The following CDC73 variants were observed in gnomAD, a reference collection of about 807,000 sequenced individuals.
CDC73 encodes cell division cycle 73.
In CDC73, 21 loss-of-function variants were observed where a neutral mutation model predicts 83.7. That is an observed-to-expected ratio of 0.25 (90% confidence interval 0.18 to 0.36). The LOEUF (loss-of-function observed/expected upper bound fraction) is 0.36. Ranked by LOEUF, CDC73 falls within the 10% of genes least tolerant of loss-of-function variation. CDC73 has a pLI of 1.00. For missense variants in CDC73, 342 were observed against 653.3 expected (o/e 0.52, Z 5.19); for synonymous variants, 224 against 212.9 (o/e 1.05, Z -0.45).
rs185327319 is a variant in CDC73, at chr1:193,180,047, G to T, written c.973-23748G>T. 369 of 305,230 alleles carry T rather than the reference G, an allele frequency of 1.2e-3. 2 individuals are homozygous for T. Among genetic ancestry groups the T allele is most frequent in the African/African-American group, 7.5e-3 (349 of 46,474 alleles). The allele number at this position is 305,230 out of a possible 1,614,324, so 18.9% of individuals were successfully genotyped here. ...TTGAACCATTGATTTATGCATGCTTGTTATTGCATGTTAATACACAGAATC... is the reference window on the plus strand; with the variant it reads ...TTGAACCATTGATTTATGCATGCTTTTTATTGCATGTTAATACACAGAATC... On this transcript the variant is annotated intron_variant, in intron 10 of 16. Transcript: ENST00000367435.
intron 15 of CDC73, among the ~76,000 whole-genome samples, chr1:193,237,467 G>A (rs968274979): frequency 6.6e-6 from 1 of 152,154 alleles, no homozygotes. Context: ...AAGTCAACTG[G>A]ATTCTCTTAC....
At chr1:193,144,855 C>T (rs1675968752) in intron 7 of CDC73, among the ~76,000 whole-genome samples, 1 of 147,206 alleles carries the variant, frequency 6.8e-6, no homozygotes, top group African/African-American at 2.5e-5. Context: ...TAAATTTGTT[C>T]CTTGAAGGAA....
chr1:193,181,631 T>C (rs947874761), intron 10 of CDC73: 1 of 1,331,052 alleles, frequency 7.5e-7, no homozygotes, highest in Admixed American at 2.4e-5. Context: ...CTTAATACTA[T>C]TCTTTGGCAA....
chr1:193,180,843 T>G, intron 10 of CDC73: 1 of 1,614,028 alleles, frequency 6.2e-7, no homozygotes, highest in South Asian at 1.1e-5. Context: ...GTGGACAGTA[T>G]GTTGCAACCC....
chr1:193,159,773 A>T (rs1395364977), intron 10 of CDC73, among the ~76,000 whole-genome samples: 2 of 152,206 alleles, frequency 1.3e-5, no homozygotes, highest in Admixed American at 6.5e-5. Flanking sequence ...AATAATACAG[A>T]TATACTCTTT....
chr1:193,154,148 G>C (rs1387853125), intron 10 of CDC73, among the ~76,000 whole-genome samples: 1 of 152,158 alleles, frequency 6.6e-6, no homozygotes, highest in Non-Finnish European at 1.5e-5. Context: ...ATTTCCCTAA[G>C]TGCGACAGAA....
At position 193,220,157 on chromosome 1, in the gene CDC73, C is replaced by CTTTTTTTT. The variant is rs776793164; in HGVS notation, c.1154+7700_1154+7707dup. On this transcript the variant is annotated intron_variant, in intron 13 of 16. Transcript: ENST00000367435. ...TTTCTCAGTAAAGTAACAATGATAA[C>CTTTTTTTT]TTTTTTTTTTTTTTTTTTTTTTTTT... Among the ~76,000 whole-genome samples, 5 of 108,790 alleles carry CTTTTTTTT rather than the reference C, an allele frequency of 4.6e-5. 1 individual carries two copies. The highest frequency in any genetic ancestry group is 7.5e-5 in the Non-Finnish European group (4 of 53,538). 71.4% of individuals were successfully genotyped at this position (108,790 alleles called of 152,430 possible). A position where few individuals can be genotyped will look rare whatever the true frequency, so the allele number is the denominator to read the frequency against.
At chr1:193,176,946 A>G (rs1676613147) in intron 10 of CDC73, among the ~76,000 whole-genome samples, 1 of 152,226 alleles carries the variant, frequency 6.6e-6, no homozygotes, top group African/African-American at 2.4e-5. Flanking sequence ...GATAAGCAGT[A>G]ATGTGTATGT....
chr1:193,168,570 G>A (rs971791235), intron 10 of CDC73, among the ~76,000 whole-genome samples: 6 of 150,934 alleles, frequency 4.0e-5, no homozygotes, highest in Non-Finnish European at 8.8e-5. Flanking sequence ...CTGTCACCCA[G>A]ATGGAATGCA....
chr1:193,185,473 TG>T (rs972137693), intron 10 of CDC73, among the ~76,000 whole-genome samples: 1 of 152,126 alleles, frequency 6.6e-6, no homozygotes, highest in African/African-American at 2.4e-5. Context: ...TCTCTTTGGT[TG>T]TGTTCATTAT....
At chr1:193,177,813 T>C (rs1027769001) in intron 10 of CDC73, among the ~76,000 whole-genome samples, 3 of 152,200 alleles carry the variant, frequency 2.0e-5, no homozygotes, top group Non-Finnish European at 4.4e-5. Context: ...GTGATTATGC[T>C]GTATACAAAG....
At chr1:193,153,488 ACTCT>A (rs1676156408) in intron 10 of CDC73, among the ~76,000 whole-genome samples, 1 of 152,036 alleles carries the variant, frequency 6.6e-6, no homozygotes, top group African/African-American at 2.4e-5. Flanking sequence ...ATCTTTACGG[ACTCT>A]ATATAACATG....
chr1:193,212,173 C>T, intron 12 of CDC73, 73 bp downstream of exon 12: 1 of 1,228,554 alleles, frequency 8.1e-7, no homozygotes, highest in Non-Finnish European at 1.2e-6. Flanking sequence ...TGATAATTTT[C>T]TTGTGCAGCT....
intron 10 of CDC73, among the ~76,000 whole-genome samples, chr1:193,189,306 A>G (rs1411766770): frequency 6.6e-6 from 1 of 152,204 alleles, no homozygotes; most frequent in Non-Finnish European, 1.5e-5. Flanking sequence ...CGTAAAGTTC[A>G]GGAAAACAGG....
rs145408121 is a variant in CDC73 at position 193,217,066 on chromosome 1, G to A, written c.1154+4589G>A. 9.9e-5 allele frequency among the ~76,000 whole-genome samples: 15 copies of A among 152,234 alleles called. 1 individual carries two copies. In the South Asian group the frequency reaches 1.0e-3, roughly 11 times the overall value. On this transcript the variant is annotated intron_variant, in intron 13 of 16. Transcript: ENST00000367435. ...TCCACTCTCACCACCCCTATTCAAC[G>A]TAGTACTGAAACAGGAAATGTTCCT...
chr1:193,140,035 C>T (rs567602985), intron 6 of CDC73, among the ~76,000 whole-genome samples: 49 of 152,260 alleles, frequency 3.2e-4, no homozygotes, highest in South Asian at 1.9e-3. Context: ...GTCTTCTGAC[C>T]TATGAATTCT....
intron 13 of CDC73, among the ~76,000 whole-genome samples, chr1:193,224,855 T>C (rs745625846): frequency 6.6e-6 from 1 of 152,132 alleles, no homozygotes; most frequent in Non-Finnish European, 1.5e-5. Context: ...AAAGATTTAT[T>C]ATGTTGCCTA....
At chr1:193,124,787 C>T (rs895262094) in intron 1 of CDC73, among the ~76,000 whole-genome samples, 3 of 152,144 alleles carry the variant, frequency 2.0e-5, no homozygotes, top group African/African-American at 7.2e-5. Context: ...TAATTGTTTT[C>T]TCTTATGGAT....
At chr1:193,238,067 T>C (rs1677793583) in intron 15 of CDC73, among the ~76,000 whole-genome samples, 1 of 152,182 alleles carries the variant, frequency 6.6e-6, no homozygotes. Flanking sequence ...GATATAAATG[T>C]TGTATGAAAT....
Sources: allele counts gnomAD v4.1 joint callset (sites outside exome capture counted in the v4.1 genomes callset), GRCh38; gene constraint gnomAD v4.1.1; transcripts MANE v1.5; gene names NCBI Gene and HGNC (gene_info 2026-07-23, HGNC 2026-07-21).